The following DCTN6 variants were observed in gnomAD, a reference collection of about 807,000 sequenced individuals.
DCTN6 encodes dynactin 6.
In DCTN6, 15 loss-of-function variants were observed where a neutral mutation model predicts 25.8. The observed-to-expected ratio is 0.58, with a 90% confidence interval of 0.39 to 0.89. The LOEUF is 0.89. Ranked by LOEUF, DCTN6 falls within the 40% of genes least tolerant of loss-of-function variation. DCTN6 has a pLI of 0.00. For missense variants in DCTN6, 198 were observed against 237.6 expected (o/e 0.83, Z 1.09); for synonymous variants, 64 against 78.3 (o/e 0.82, Z 0.96).
In DCTN6 at chr8:30,174,849, G is replaced by A. The variant is rs141112445; in HGVS notation, c.89-236G>A. 4.4e-3 allele frequency among the ~76,000 whole-genome samples: 665 copies of A among 152,290 alleles called. 4 individuals are homozygous for A. The highest frequency in any genetic ancestry group is 0.015 in the African/African-American group (629 of 41,550). ...CAGGAAGCTTCCGAGTGGAGGCTGA[G>A]CCAGAGCTGTCTGGCTCTAGTGCCT... On this transcript the variant is annotated intron_variant, in intron 2 of 6. Transcript: ENST00000221114.
intron 1 of DCTN6, among the ~76,000 whole-genome samples, chr8:30,158,594 A>G (rs1242168835): frequency 4.6e-5 from 7 of 152,040 alleles, no homozygotes; most frequent in African/African-American, 9.7e-5. Flanking sequence ...TTTTTCTTCT[A>G]TAATATGAGA....
At chr8:30,162,882 T>C (rs1262115336) in intron 1 of DCTN6, among the ~76,000 whole-genome samples, 2 of 152,260 alleles carry the variant, frequency 1.3e-5, no homozygotes, top group Non-Finnish European at 2.9e-5. Flanking sequence ...ATAGTTTGAA[T>C]GTATATTTTT....
chr8:30,167,969 C>G (rs965820436), intron 2 of DCTN6, among the ~76,000 whole-genome samples: 10 of 152,116 alleles, frequency 6.6e-5, no homozygotes, highest in Non-Finnish European at 1.2e-4. Context: ...CCAAAGTTAG[C>G]ACAGATTATA....
rs576642649 is a variant in DCTN6 at position 30,183,473 on chromosome 8, A to G, written c.*300A>G. The G allele has an allele frequency of 2.3e-4, 53 of 230,274 alleles. No homozygotes were observed. Among genetic ancestry groups the G allele is most frequent in the Admixed American group, 5.4e-4 (10 of 18,566 alleles). 14.3% of individuals were successfully genotyped at this position (230,274 alleles called of 1,614,324 possible). ...TGTAAAAGGCTACCCTTGACAAGAAAAGACATACTGTCATGTATTTATATT... is the reference window on the plus strand; with the variant it reads ...TGTAAAAGGCTACCCTTGACAAGAAGAGACATACTGTCATGTATTTATATT... On this transcript the variant is annotated 3_prime_UTR_variant, in exon 7 of 7. Transcript: ENST00000221114.
At chr8:30,178,641 T>C (rs189801277) in intron 4 of DCTN6, among the ~76,000 whole-genome samples, 14 of 152,280 alleles carry the variant, frequency 9.2e-5, no homozygotes, top group Admixed American at 2.0e-4. Context: ...TTTAAAGTTA[T>C]GTTTTTAAAG....
At chr8:30,177,030 G>T in intron 3 of DCTN6, 96 bp from the exon 4 acceptor site, 1 of 849,398 alleles carries the variant, frequency 1.2e-6, no homozygotes, top group East Asian at 2.5e-5. Context: ...GCTTGATGTA[G>T]GTAAAATTGA....
intron 1 of DCTN6, among the ~76,000 whole-genome samples, chr8:30,160,073 TC>T (rs1803577707): frequency 6.6e-6 from 1 of 152,150 alleles, no homozygotes. Flanking sequence ...AATCATCCCT[TC>T]CCAGGAAGGG....
intron 4 of DCTN6, 97 bp from the exon 5 acceptor site, chr8:30,179,311 C>A: frequency 3.0e-6 from 3 of 987,462 alleles, no homozygotes; most frequent in Non-Finnish European, 3.0e-6. Flanking sequence ...CCATCTGACA[C>A]CCCTGTCCTC....
intron 2 of DCTN6, among the ~76,000 whole-genome samples, chr8:30,170,837 G>A (rs935726794): frequency 6.6e-6 from 1 of 151,806 alleles, no homozygotes; most frequent in African/African-American, 2.4e-5. Context: ...ATGGGGTTTC[G>A]CCATGTTGCC....
rs369723187 is a variant in DCTN6, at chr8:30,171,124, G to A, written c.89-3961G>A. On this transcript the variant is annotated intron_variant, in intron 2 of 6. Coordinates refer to ENST00000221114, the MANE Select transcript of DCTN6 (RefSeq NM_006571.4). Reference sequence around the variant, plus strand: ...TTTAAAGAAACACACAGGTCCCAGGGGTATCCTTGTCTTGTCAAGAACTAC... The same window carrying A: ...TTTAAAGAAACACACAGGTCCCAGGAGTATCCTTGTCTTGTCAAGAACTAC... 1.4e-4 allele frequency among the ~76,000 whole-genome samples: 21 copies of A among 152,088 alleles called. 1 individual carries two copies. In the South Asian group the frequency reaches 4.4e-3, roughly 32 times the overall value.
chr8:30,159,885 C>G (rs1220647013), intron 1 of DCTN6, among the ~76,000 whole-genome samples: 2 of 152,082 alleles, frequency 1.3e-5, no homozygotes, highest in African/African-American at 4.8e-5. Context: ...CCTCAGCCCC[C>G]CAAGTAGCTG....
chr8:30,176,259 G>A (rs1459204083), intron 3 of DCTN6, among the ~76,000 whole-genome samples: 1 of 152,232 alleles, frequency 6.6e-6, no homozygotes, highest in African/African-American at 2.4e-5. Flanking sequence ...GCTGGGCGTG[G>A]TGCCTCATGC....
chr8:30,179,569 A>G, intron 5 of DCTN6, 114 bp downstream of exon 5: 1 of 834,426 alleles, frequency 1.2e-6, no homozygotes. Context: ...GAAGTGGGCT[A>G]CAATAGCTGG....
rs771983721 is a variant in DCTN6 at position 30,180,587 on chromosome 8, A to G, written c.431A>G (p.Tyr144Cys). 26 of 1,614,016 alleles carry G rather than the reference A, an allele frequency of 1.6e-5. No individual in the cohort carries two copies. The highest frequency in any genetic ancestry group is 2.2e-5 in the Non-Finnish European group (26 of 1,180,032). ...GTCATCCCTGAGAATACGGTGATCT[A>G]TGGTGCAGACTGCCTTCGTCGGGTG... Reference protein sequence around the residue: ...FEVIPENTVIYGADCLRRVQT... With the variant: ...FEVIPENTVICGADCLRRVQT... The change falls in exon 6 of 7, where the codon TAT becomes TGT. Residue 144 changes from tyrosine (Y) to cysteine (C), a missense_variant. Transcript: ENST00000221114.
chr8:30,183,032 C>T (rs766630230), intron 6 of DCTN6, 43 bp from the exon 7 acceptor site: 2 of 1,576,232 alleles, frequency 1.3e-6, no homozygotes, highest in African/African-American at 2.7e-5. Context: ...GTACTCTTGA[C>T]TTTGCTTTCT....
rs1206847092 is a variant in DCTN6, at chr8:30,159,763, C to A, written c.23+3357C>A. On this transcript the variant is annotated intron_variant, in intron 1 of 6. Coordinates refer to ENST00000221114, the MANE Select transcript of DCTN6 (RefSeq NM_006571.4). ...TAGCTCCAGACTTTTGATTAGTTTT[C>A]TTTTTTTTTTTTTTTTGAGACAGGG... is the stretch of plus-strand genomic sequence containing the variant. Among the ~76,000 whole-genome samples the A allele has an allele frequency of 6.2e-5, 8 of 129,704 alleles. No individual in the cohort carries two copies. The South Asian group carries it at 1.7e-3, about 27-fold the overall frequency. 85.1% of individuals were successfully genotyped at this position (129,704 alleles called of 152,430 possible). A position where few individuals can be genotyped will look rare whatever the true frequency, so the allele number is the denominator to read the frequency against.
intron 3 of DCTN6, among the ~76,000 whole-genome samples, chr8:30,176,255 CGTGGTG>C: frequency 6.6e-6 from 1 of 152,322 alleles, no homozygotes; most frequent in African/African-American, 2.4e-5. Context: ...GTAGGCTGGG[CGTGGTG>C]CCTCATGCCT....
At chr8:30,174,330 CTT>C (rs113335753) in intron 2 of DCTN6, among the ~76,000 whole-genome samples, 14 of 146,090 alleles carry the variant, frequency 9.6e-5, no homozygotes, top group African/African-American at 2.7e-4. Context: ...CATATTTCTC[CTT>C]TTTTTTTTTT....
At chr8:30,174,210 C>T (rs1803801573) in intron 2 of DCTN6, among the ~76,000 whole-genome samples, 1 of 152,198 alleles carries the variant, frequency 6.6e-6, no homozygotes, top group Non-Finnish European at 1.5e-5. Flanking sequence ...AAATCATATC[C>T]TGGGCCAGAC....
Sources: gnomAD v4.1 joint callset for allele counts (sites outside exome capture counted in the v4.1 genomes callset) on GRCh38, gnomAD v4.1.1 for gene constraint, MANE v1.5 for transcripts, NCBI Gene and HGNC (gene_info 2026-07-23, HGNC 2026-07-21) for gene names.